Variants in PCDH15 observed in about 807,000 individuals in gnomAD.
PCDH15 encodes the protein protocadherin-15.
A neutral mutation model predicts 178.5 loss-of-function variants in PCDH15; 129 were observed. The observed-to-expected ratio is 0.72, with a 90% confidence interval of 0.63 to 0.84. The LOEUF (loss-of-function observed/expected upper bound fraction) is 0.84. Ranked by LOEUF, PCDH15 falls within the 40% of genes least tolerant of loss-of-function variation. PCDH15 has a pLI of 0.00. For missense variants in PCDH15, 2,230 were observed against 2,099.9 expected, an observed-to-expected ratio of 1.06 and a Z score of -1.21; for synonymous variants, 800 against 732.0, an observed-to-expected ratio of 1.09 and a Z score of -1.50.
Position 54,970,854 on chromosome 10 carries a change from A to G in PCDH15, c.-79-73354T>C, listed in dbSNP as rs962657297. On this transcript the variant is annotated intron_variant, in intron 2 of 5. Transcript: ENST00000458638. ...TTGTGGGGTTTTAGACTTCCTTGGG[A>G]CCTGTTACTGCTTTCTCTATTACTA... is the stretch of plus-strand genomic sequence containing the variant. Among the ~76,000 whole-genome samples, 93 of 152,228 alleles carry G rather than the reference A, an allele frequency of 6.1e-4. 1 individual carries two copies. The highest frequency in any genetic ancestry group is 1.9e-3 in the African/African-American group (79 of 41,538).
chr10:53,923,074 A>G (rs2084144348), intron 25 of PCDH15, among the ~76,000 whole-genome samples: 2 of 152,154 alleles, frequency 1.3e-5, no homozygotes, highest in Non-Finnish European at 1.5e-5. Flanking sequence ...GTGACAGAGC[A>G]AGACTCCGTC....
intron 28 of PCDH15, 58 bp downstream of exon 28, chr10:53,857,117 T>C: frequency 8.2e-7 from 1 of 1,218,756 alleles, no homozygotes; most frequent in Non-Finnish European, 1.2e-6. Flanking sequence ...ATTTAAAAAA[T>C]ACAGTTAAAA....
intron 4 of PCDH15, among the ~76,000 whole-genome samples, chr10:54,376,939 A>T (rs985028650): frequency 6.6e-6 from 1 of 151,990 alleles, no homozygotes; most frequent in Non-Finnish European, 1.5e-5. Context: ...CTGCAAACAA[A>T]CTTGACTTCC....
intron 2 of PCDH15, among the ~76,000 whole-genome samples, chr10:54,904,024 G>A (rs2131828129): frequency 6.6e-6 from 1 of 152,052 alleles, no homozygotes; most frequent in African/African-American, 2.4e-5. Context: ...TGTTTTCACT[G>A]GCTTTAGTTA....
chr10:55,334,242 A>ATATATATATATATATATGTG (rs1291195941), intron 2 of PCDH15, among the ~76,000 whole-genome samples: 15 of 72,136 alleles, frequency 2.1e-4, no homozygotes, highest in African/African-American at 3.8e-4. Flanking sequence ...ATATATATAT[A>ATATATATATATATATATGTG]TGTGTGTGTG....
At chr10:54,353,918 T>C (rs1774574322) in intron 5 of PCDH15, among the ~76,000 whole-genome samples, 1 of 152,190 alleles carries the variant, frequency 6.6e-6, no homozygotes, top group South Asian at 2.1e-4. Context: ...TAACTCTATC[T>C]TTACTAAAAA....
chr10:55,295,029 C>G (rs567209228), intron 1 of PCDH15, among the ~76,000 whole-genome samples: 7 of 152,188 alleles, frequency 4.6e-5, no homozygotes, highest in Non-Finnish European at 8.8e-5. Flanking sequence ...AGGTGCTTAT[C>G]CACATTAGCT....
intron 8 of PCDH15, among the ~76,000 whole-genome samples, chr10:54,251,719 T>G (rs546715224): frequency 1.3e-5 from 2 of 152,294 alleles, no homozygotes; most frequent in East Asian, 3.9e-4. Flanking sequence ...CATTGTCCTA[T>G]CAAGTTCTAA....
chr10:54,450,785 A>ATATT (rs912366539), intron 3 of PCDH15, among the ~76,000 whole-genome samples: 4 of 151,870 alleles, frequency 2.6e-5, no homozygotes, highest in Non-Finnish European at 4.4e-5. Context: ...GATTACCCAC[A>ATATT]TATTTAATCA....
At chr10:54,877,301 A>C (rs889754604) in intron 3 of PCDH15, among the ~76,000 whole-genome samples, 1 of 152,130 alleles carries the variant, frequency 6.6e-6, no homozygotes, top group Admixed American at 6.6e-5. Flanking sequence ...TTGGTCTGGA[A>C]CCCTACACAC....
intron 21 of PCDH15, among the ~76,000 whole-genome samples, chr10:53,972,674 C>A (rs1444524656): frequency 6.6e-6 from 1 of 152,128 alleles, no homozygotes; most frequent in Non-Finnish European, 1.5e-5. Context: ...ATGCAGCCAA[C>A]AGACACATGA....
At chr10:54,082,541 G>A (rs1409835050) in intron 16 of PCDH15, among the ~76,000 whole-genome samples, 21 of 152,082 alleles carry the variant, frequency 1.4e-4, no homozygotes, top group Admixed American at 9.2e-4. Flanking sequence ...AAATCTATAC[G>A]TAAAAGAATT....
chr10:54,935,155 C>T (rs1187188724), intron 2 of PCDH15, among the ~76,000 whole-genome samples: 2 of 151,838 alleles, frequency 1.3e-5, no homozygotes, highest in African/African-American at 4.8e-5. Context: ...GGGTGCAGCA[C>T]ACCAACATGG....
intron 1 of PCDH15, among the ~76,000 whole-genome samples, chr10:55,206,125 C>T (rs550769616): frequency 1.4e-4 from 22 of 151,954 alleles, no homozygotes; most frequent in Admixed American, 3.9e-4. Context: ...ATATCACCTT[C>T]GTAATTTTGA....
At chr10:55,117,552 T>C (rs898151216) in intron 2 of PCDH15, among the ~76,000 whole-genome samples, 24 of 152,142 alleles carry the variant, frequency 1.6e-4, no homozygotes, top group African/African-American at 5.8e-4. Context: ...TCCAATTGCT[T>C]TCTGACAGTG....
chr10:54,686,041 A>ATTTTTTTTTTTTTTTTT (rs66539612), intron 1 of PCDH15, among the ~76,000 whole-genome samples: 48 of 126,874 alleles, frequency 3.8e-4, no homozygotes, highest in Middle Eastern at 4.7e-3. Context: ...AAGACAGCCA[A>ATTTTTTTTTTTTTTTTT]TTTTTTTTTT....
chr10:54,406,404 T>A (rs1407416421), intron 3 of PCDH15, among the ~76,000 whole-genome samples: 2 of 152,144 alleles, frequency 1.3e-5, no homozygotes, highest in African/African-American at 2.4e-5. Context: ...AAGGGCCAGA[T>A]ATTAAATATT....
intron 6 of PCDH15, among the ~76,000 whole-genome samples, chr10:54,333,463 A>G (rs547711230): frequency 3.2e-4 from 48 of 152,054 alleles, no homozygotes; most frequent in African/African-American, 1.1e-3. Context: ...TATCTTTATG[A>G]TAGTCTTCTT....
intron 1 of PCDH15, among the ~76,000 whole-genome samples, chr10:54,795,021 T>A (rs1479252212): frequency 6.6e-6 from 1 of 151,854 alleles, no homozygotes; most frequent in Non-Finnish European, 1.5e-5. Flanking sequence ...TAGCTAGGGA[T>A]AGCCTTAGTA....
Sources: gnomAD v4.1 joint callset for allele counts (sites outside exome capture counted in the v4.1 genomes callset) on GRCh38, gnomAD v4.1.1 for gene constraint, MANE v1.5 for transcripts, NCBI Gene and HGNC (gene_info 2026-07-23, HGNC 2026-07-21) for gene names.